CRADD: variants seen among roughly 807,000 people sequenced by gnomAD.
CRADD encodes the protein death domain-containing protein CRADD.
CRADD carries 9 observed loss-of-function variants against 15.5 expected under a neutral mutation model. The ratio of observed to expected loss-of-function variants is 0.58; its 90% CI spans 0.35 to 1.01. The LOEUF (loss-of-function observed/expected upper bound fraction) is 1.01. Ranked by LOEUF, CRADD falls within the 50% of genes least tolerant of loss-of-function variation. The probability of loss-of-function intolerance (pLI) is 0.02; values close to 1 mark genes in which losing one functional copy is unlikely to be tolerated. For missense variants in CRADD, 227 were observed against 250.3 expected, an observed-to-expected ratio of 0.91 and a Z score of 0.63; for synonymous variants, 118 against 107.6, an observed-to-expected ratio of 1.10 and a Z score of -0.60.
intron 2 of CRADD, among the ~76,000 whole-genome samples, chr12:93,825,522 A>G (rs757068388): frequency 5.1e-4 from 77 of 152,064 alleles, no homozygotes; most frequent in Middle Eastern, 3.4e-3. Flanking sequence ...TTATTTCAAA[A>G]CTCTCTGAAC....
chr12:93,701,395 G>A (rs1955842928), intron 2 of CRADD, among the ~76,000 whole-genome samples: 1 of 151,730 alleles, frequency 6.6e-6, no homozygotes. Context: ...CAGAGGCCAA[G>A]GCTTCTTCTC....
At chr12:93,834,821 C>G (rs889355034) in intron 2 of CRADD, among the ~76,000 whole-genome samples, 1 of 152,160 alleles carries the variant, frequency 6.6e-6, no homozygotes. Flanking sequence ...GAATTCAGTG[C>G]CCAGTACTAA....
intron 2 of CRADD, among the ~76,000 whole-genome samples, chr12:93,797,206 T>C (rs1957428140): frequency 6.6e-6 from 1 of 152,086 alleles, no homozygotes; most frequent in African/African-American, 2.4e-5. Context: ...TACTGGTTGC[T>C]TTGAGAGTGA....
intron 2 of CRADD, among the ~76,000 whole-genome samples, chr12:93,763,968 C>T (rs949813872): frequency 2.6e-5 from 4 of 152,110 alleles, no homozygotes; most frequent in African/African-American, 9.7e-5. Flanking sequence ...TCTATCATTC[C>T]TGCAGCCCAG....
rs374321445 is a variant in CRADD at position 93,887,796 on chromosome 12, T to C, written c.299-6254T>C. Among the ~76,000 whole-genome samples the C allele has an allele frequency of 4.6e-5, 7 of 152,266 alleles. No homozygotes were observed. The East Asian group carries it at 5.8e-4, about 13-fold the overall frequency. ...GTGACTAAGGCACAGGGGATACAAA[T>C]GAAAACAGAATTACACGTTAACGTT... On this transcript the variant is annotated intron_variant, in intron 2 of 2. Coordinates refer to the CRADD transcript ENST00000548483.
chr12:93,702,056 C>G (rs188267297), intron 2 of CRADD, among the ~76,000 whole-genome samples: 66 of 152,130 alleles, frequency 4.3e-4, no homozygotes, highest in African/African-American at 1.5e-3. Context: ...TCCCTAGCTC[C>G]CTCTCACCAT....
At chr12:93,743,892 T>C (rs1956716648) in intron 2 of CRADD, among the ~76,000 whole-genome samples, 1 of 152,224 alleles carries the variant, frequency 6.6e-6, no homozygotes, top group African/African-American at 2.4e-5. Flanking sequence ...TTATATCCTG[T>C]TCTCTGTTAT....
chr12:93,805,730 T>C (rs1398955279), intron 2 of CRADD, among the ~76,000 whole-genome samples: 1 of 152,192 alleles, frequency 6.6e-6, no homozygotes, highest in Non-Finnish European at 1.5e-5. Context: ...ACATTAAAAC[T>C]GTATCCTGCT....
At chr12:93,740,930 C>T (rs1271949529) in intron 2 of CRADD, among the ~76,000 whole-genome samples, 1 of 152,108 alleles carries the variant, frequency 6.6e-6, no homozygotes, top group Non-Finnish European at 1.5e-5. Flanking sequence ...CCTGCAGATT[C>T]CGGCTTTCTC....
chr12:93,894,375 A>G, exon 3 of CRADD: 1 of 508,716 alleles, frequency 2.0e-6, no homozygotes, highest in Non-Finnish European at 3.6e-6. Flanking sequence ...TATGTTGTCC[A>G]AAATGTCAAT....
chr12:93,877,619 T>C (rs1424389423), intron 2 of CRADD, among the ~76,000 whole-genome samples: 2 of 152,234 alleles, frequency 1.3e-5, no homozygotes, highest in Non-Finnish European at 2.9e-5. Context: ...AGGCTCACTC[T>C]GTAGCCACTG....
chr12:93,745,874 A>G (rs764504126), intron 2 of CRADD, among the ~76,000 whole-genome samples: 5 of 152,216 alleles, frequency 3.3e-5, no homozygotes, highest in African/African-American at 4.8e-5. Flanking sequence ...ATTATTAAGT[A>G]TACAATTACT....
At chr12:93,862,713 T>C (rs1958328019) in intron 2 of CRADD, among the ~76,000 whole-genome samples, 1 of 152,218 alleles carries the variant, frequency 6.6e-6, no homozygotes. Context: ...AGTGCCAGTG[T>C]GAACTGTGAA....
At chr12:93,866,454 G>T (rs1254498238) in intron 2 of CRADD, among the ~76,000 whole-genome samples, 1 of 152,052 alleles carries the variant, frequency 6.6e-6, no homozygotes, top group African/African-American at 2.4e-5. Flanking sequence ...TTTGAAAATA[G>T]CATCCTATTG....
chr12:93,707,822 C>G (rs1017894433), intron 2 of CRADD: 2 of 152,268 alleles, frequency 1.3e-5, no homozygotes, highest in African/African-American at 4.8e-5. Context: ...TATTACTCTC[C>G]TGAGGTTCAG....
At chr12:93,783,973 T>C (rs1283034579) in intron 2 of CRADD, among the ~76,000 whole-genome samples, 1 of 152,158 alleles carries the variant, frequency 6.6e-6, no homozygotes, top group Non-Finnish European at 1.5e-5. Flanking sequence ...CAGACATCAG[T>C]CAGGGAAGAG....
chr12:93,889,013 A>G (rs1958557686), intron 2 of CRADD, among the ~76,000 whole-genome samples: 1 of 152,124 alleles, frequency 6.6e-6, no homozygotes. Flanking sequence ...CTGTTCCATA[A>G]GAACCACCGT....
At chr12:93,820,784 G>C (rs1199518422) in intron 2 of CRADD, among the ~76,000 whole-genome samples, 2 of 152,286 alleles carry the variant, frequency 1.3e-5, no homozygotes, top group East Asian at 3.9e-4. Flanking sequence ...ATTTCTCTCA[G>C]ATATCACCCC....
At chr12:93,720,198 A>T (rs1023768906) in intron 2 of CRADD, among the ~76,000 whole-genome samples, 6 of 152,090 alleles carry the variant, frequency 3.9e-5, no homozygotes, top group Non-Finnish European at 8.8e-5. Flanking sequence ...TGTTACTTAG[A>T]AGTGTATTGT....
Sources: allele counts gnomAD v4.1 joint callset (sites outside exome capture counted in the v4.1 genomes callset), GRCh38; gene constraint gnomAD v4.1.1; transcripts MANE v1.5; gene names NCBI Gene and HGNC (gene_info 2026-07-23, HGNC 2026-07-21).